Variants in USP39 observed in about 807,000 individuals in gnomAD.
USP39 encodes ubiquitin specific peptidase 39.
Under a neutral mutation model 66.4 loss-of-function variants are expected in USP39, and 38 were observed. The observed-to-expected ratio is 0.57, with a 90% CI of 0.44 to 0.75. USP39 has a LOEUF of 0.75. Among genes scored for constraint, USP39 ranks in the 30% least tolerant of loss-of-function variants. The pLI, the probability that USP39 is intolerant of heterozygous loss-of-function variation, is 0.00. For synonymous variants in USP39, 303 were observed against 274.6 expected, an observed-to-expected ratio of 1.10 and a Z score of -1.02; for missense variants, 608 against 714.4, an observed-to-expected ratio of 0.85 and a Z score of 1.70.
At chr2:85,611,917 T>A (rs1470895636), upstream of USP39, 16 of 1,590,916 alleles carry the variant, frequency 1.0e-5, no homozygotes, top group Non-Finnish European at 1.3e-5. Context: ...CACGAAGCCG[T>A]GGTTCATGTC....
chr2:85,622,951 A>G (rs1343952736), intron 3 of USP39, among the ~76,000 whole-genome samples: 2 of 152,232 alleles, frequency 1.3e-5, no homozygotes, highest in Non-Finnish European at 2.9e-5. Context: ...ATGTAAAACA[A>G]CCAGTGAGTT....
At chr2:85,643,545 C>T (rs1676413710) in intron 10 of USP39, among the ~76,000 whole-genome samples, 3 of 151,688 alleles carry the variant, frequency 2.0e-5, no homozygotes, top group Admixed American at 2.0e-4. Context: ...GTCTAGTCAG[C>T]TTTTGTTCAG....
chr2:85,640,619 A>ATT (rs1423006715), intron 9 of USP39, among the ~76,000 whole-genome samples: 24 of 123,238 alleles, frequency 1.9e-4, no homozygotes, highest in Non-Finnish European at 3.6e-4. Flanking sequence ...ATATATATAT[A>ATT]TTTTTTTTTT....
intron 5 of USP39, 46 bp from the exon 6 acceptor site, chr2:85,630,675 G>A: frequency 6.4e-7 from 1 of 1,566,442 alleles, no homozygotes; most frequent in Middle Eastern, 1.7e-4. Context: ...TGGCTCAAGG[G>A]GTCCTACAAA....
At chr2:85,640,413 C>G (rs377224026) in intron 9 of USP39, among the ~76,000 whole-genome samples, 1 of 151,528 alleles carries the variant, frequency 6.6e-6, no homozygotes, top group Non-Finnish European at 1.5e-5. Flanking sequence ...CTCAGCCTCC[C>G]GAGTAGCTGG....
intron 12 of USP39, among the ~76,000 whole-genome samples, 193 bp downstream of exon 12, chr2:85,648,209 AAGTAT>A (rs1676793990): frequency 6.6e-6 from 1 of 152,192 alleles, no homozygotes; most frequent in South Asian, 2.1e-4. Flanking sequence ...TTCAGAAAAG[AAGTAT>A]AAGGAAGTGT....
At chr2:85,604,758 C>T (rs1673156807) in intron 1 of USP39, among the ~76,000 whole-genome samples, 1 of 152,250 alleles carries the variant, frequency 6.6e-6, no homozygotes, top group African/African-American at 2.4e-5. Context: ...CCCAATGGGG[C>T]TGTGAACCCT....
At chr2:85,609,738 G>C, upstream of USP39, 1 of 1,026,784 alleles carries the variant, frequency 9.7e-7, no homozygotes, top group Non-Finnish European at 1.4e-6. Flanking sequence ...CTGGAGTGCA[G>C]TGGTGCAATC....
At chr2:85,635,331 G>A (rs1266740955) in intron 6 of USP39, among the ~76,000 whole-genome samples, 2 of 152,144 alleles carry the variant, frequency 1.3e-5, no homozygotes, top group East Asian at 1.9e-4. Context: ...AGGCTGAGGC[G>A]GGAGGATCAC....
At chr2:85,622,238 C>G (rs1000756427) in intron 3 of USP39, among the ~76,000 whole-genome samples, 1 of 151,988 alleles carries the variant, frequency 6.6e-6, no homozygotes, top group African/African-American at 2.4e-5. Flanking sequence ...TCTCCTGCCT[C>G]AGCCTCCTGA....
chr2:85,638,284 A>C (rs1675940266), intron 8 of USP39, among the ~76,000 whole-genome samples: 1 of 151,962 alleles, frequency 6.6e-6, no homozygotes, highest in South Asian at 2.1e-4. Flanking sequence ...GGCCTCCCAA[A>C]GTGCTGGGAT....
chr2:85,647,355 A>G (rs1676719500), intron 11 of USP39, among the ~76,000 whole-genome samples: 1 of 152,086 alleles, frequency 6.6e-6, no homozygotes, highest in Non-Finnish European at 1.5e-5. Flanking sequence ...AAAAAGATGT[A>G]CAGAAGTGTT....
intron 5 of USP39, among the ~76,000 whole-genome samples, chr2:85,627,110 ATT>A (rs908797758): frequency 6.9e-6 from 1 of 144,746 alleles, no homozygotes; most frequent in Non-Finnish European, 1.5e-5. Flanking sequence ...TACTGTAGAA[ATT>A]TTTTTTTTTA....
Position 85,640,863 on chromosome 2 carries a change from C to G in USP39, c.1285-113C>G, listed in dbSNP as rs937462867. 3 of 806,230 alleles carry G rather than the reference C, an allele frequency of 3.7e-6. No homozygotes were observed. In the African/African-American group the frequency reaches 5.6e-5, roughly 15 times the overall value. The allele number at this position is 806,230 out of a possible 1,614,324, so 49.9% of individuals were successfully genotyped here. A position where few individuals can be genotyped will look rare whatever the true frequency, so the allele number is the denominator to read the frequency against. On this transcript the variant is annotated intron_variant, in intron 9 of 12. Coordinates refer to ENST00000323701, the MANE Select transcript of USP39 (RefSeq NM_006590.4). ...TTTCTCGGACCAGGAGTCTTGTGAA[C>G]TTAAGTGTGAGGCAAAATTATATTT...
chr2:85,604,403 G>A (rs1182102539), intron 1 of USP39, among the ~76,000 whole-genome samples: 1 of 151,984 alleles, frequency 6.6e-6, no homozygotes, highest in Non-Finnish European at 1.5e-5. Flanking sequence ...GTAGAGACGG[G>A]GTTTCACCAT....
Position 85,639,328 on chromosome 2 carries a change from G to A in USP39, c.1221G>A (p.Gln407=), listed in dbSNP as rs761935302. ...TAPLYKDEKE[Q]LIIPQVPLFN... Reference sequence around the variant, plus strand: ...CCCTCTACAAGGACGAGAAGGAGCAGCTCATCATTCCCCAAGTGCCACTCT... The same window carrying A: ...CCCTCTACAAGGACGAGAAGGAGCAACTCATCATTCCCCAAGTGCCACTCT... The change falls in exon 9 of 13, where the codon CAG becomes CAA. Residue 407 remains glutamine, a synonymous_variant. Coordinates refer to ENST00000323701, the MANE Select transcript of USP39 (RefSeq NM_006590.4). 34 of 1,613,946 alleles carry A rather than the reference G, an allele frequency of 2.1e-5. No individual in the cohort carries two copies. In the Admixed American group the frequency reaches 5.5e-4, roughly 26 times the overall value.
chr2:85,639,489 T>C (rs575495845), intron 9 of USP39, 98 bp downstream of exon 9: 3 of 1,330,680 alleles, frequency 2.3e-6, no homozygotes, highest in Non-Finnish European at 2.0e-6. Flanking sequence ...AGTTTTGCTC[T>C]TGTCGCCCAG....
upstream of USP39, chr2:85,612,068 C>T: frequency 8.9e-7 from 1 of 1,124,952 alleles, no homozygotes; most frequent in East Asian, 2.7e-5. Context: ...CCGCCCCTTG[C>T]TCAGCTTCCG....
chr2:85,603,787 G>GT (rs1305492389), intron 1 of USP39, among the ~76,000 whole-genome samples: 1 of 151,956 alleles, frequency 6.6e-6, no homozygotes, highest in Non-Finnish European at 1.5e-5. Flanking sequence ...TAGAGACGGG[G>GT]TTTCACCATG....
Sources: gnomAD v4.1 joint callset for allele counts (sites outside exome capture counted in the v4.1 genomes callset) on GRCh38, gnomAD v4.1.1 for gene constraint, MANE v1.5 for transcripts, NCBI Gene and HGNC (gene_info 2026-07-23, HGNC 2026-07-21) for gene names.